The following SEMA5A variants were observed in gnomAD, a reference collection of about 807,000 sequenced individuals.
SEMA5A encodes semaphorin-5A.
SEMA5A carries 55 observed loss-of-function variants against 135.5 expected under a neutral mutation model. The ratio of observed to expected loss-of-function variants is 0.41; its 90% CI spans 0.33 to 0.51. SEMA5A has a LOEUF of 0.51. SEMA5A is among the 20% of genes least tolerant of loss of function. SEMA5A has a pLI of 0.37. For synonymous variants in SEMA5A, 580 were observed against 546.5 expected (o/e 1.06, Z -0.85); for missense variants, 1,290 against 1,419.9 (o/e 0.91, Z 1.47).
At chr5:9,444,000 G>A (rs1281836450) in intron 1 of SEMA5A, among the ~76,000 whole-genome samples, 2 of 152,220 alleles carry the variant, frequency 1.3e-5, no homozygotes, top group African/African-American at 4.8e-5. Flanking sequence ...GGCCAGCACT[G>A]GCTGGGGTCA....
intron 8 of SEMA5A, among the ~76,000 whole-genome samples, chr5:9,205,824 G>C (rs1745983058): frequency 6.6e-6 from 1 of 152,120 alleles, no homozygotes; most frequent in Non-Finnish European, 1.5e-5. Context: ...GATGAGGGTG[G>C]ACCCCTGACT....
chr5:9,108,210 T>C lies in SEMA5A; in HGVS notation c.2003A>G (p.Gln668Arg). Residue 668 changes from glutamine to arginine, a missense_variant, in exon 16 of 23, where the codon CAA becomes CGA. Gln to Arg is a conservative substitution (Grantham distance 43). This residue lies in a region of SEMA5A where 1,029 missense variants were observed against 1,086.6 expected (regional missense o/e 0.95). Coordinates refer to ENST00000382496, the MANE Select transcript of SEMA5A (RefSeq NM_003966.3). ...GWGPWERCTA[Q>R]CGGGIQARRR... The stretch of plus-strand genomic sequence containing the variant: ...GCGAGCTTGAATGCCACCCCCGCAT[T>C]GGGCTGTGCACCGTTCCCAAGGACC... The C allele has an allele frequency of 6.2e-7, 1 of 1,614,166 alleles. No homozygotes were observed. The highest frequency in any genetic ancestry group is 8.5e-7 in the Non-Finnish European group (1 of 1,180,020).
At chr5:9,103,646 A>T (rs1314795229) in intron 16 of SEMA5A, among the ~76,000 whole-genome samples, 1 of 152,134 alleles carries the variant, frequency 6.6e-6, no homozygotes, top group Non-Finnish European at 1.5e-5. Context: ...CCAAATACTA[A>T]GTCTGCTGTT....
At chr5:9,050,076 C>T (rs1010144837) in intron 21 of SEMA5A, among the ~76,000 whole-genome samples, 8 of 152,078 alleles carry the variant, frequency 5.3e-5, no homozygotes, top group African/African-American at 1.9e-4. Context: ...ATAAGAATCA[C>T]CTGCAAGGCT....
In SEMA5A at chr5:9,387,293, C is replaced by G. The variant is rs534739652; in HGVS notation, c.-77-7270G>C. Among the ~76,000 whole-genome samples the G allele has an allele frequency of 1.3e-4, 20 of 152,236 alleles. No homozygotes were observed. The South Asian group carries it at 4.2e-3, about 32-fold the overall frequency. ...AAAACGGGCAGTGTCTTCGGGGTAT[C>G]CTTAATCTGTATTAAACCAGCCATA... On this transcript the variant is annotated intron_variant, in intron 2 of 22. Transcript: ENST00000382496.
chr5:9,275,492 A>T (rs1306122865), intron 5 of SEMA5A, among the ~76,000 whole-genome samples: 1 of 152,228 alleles, frequency 6.6e-6, no homozygotes, highest in Non-Finnish European at 1.5e-5. Flanking sequence ...TGAGGCCAGC[A>T]TCATCCTAAT....
At chr5:9,278,842 C>G (rs1334391247) in intron 5 of SEMA5A, among the ~76,000 whole-genome samples, 1 of 152,202 alleles carries the variant, frequency 6.6e-6, no homozygotes, top group Admixed American at 6.5e-5. Flanking sequence ...GGAACCTCCA[C>G]CTAGATTTCA....
chr5:9,125,941 CA>C (rs1247266729), intron 13 of SEMA5A, among the ~76,000 whole-genome samples: 1 of 152,138 alleles, frequency 6.6e-6, no homozygotes, highest in Non-Finnish European at 1.5e-5. Context: ...TCACTGTGAG[CA>C]AACGTAGTTC....
At chr5:9,334,115 A>T (rs1473922128) in intron 4 of SEMA5A, among the ~76,000 whole-genome samples, 2 of 152,214 alleles carry the variant, frequency 1.3e-5, no homozygotes, top group African/African-American at 4.8e-5. Context: ...ATCAAAGAGT[A>T]CAAAGAATCT....
At chr5:9,324,634 G>A (rs1044894563) in intron 4 of SEMA5A, among the ~76,000 whole-genome samples, 1 of 152,110 alleles carries the variant, frequency 6.6e-6, no homozygotes, top group African/African-American at 2.4e-5. Flanking sequence ...AAAGTTAAAG[G>A]TTACAAAAAG....
At chr5:9,390,221 G>A (rs890096010) in intron 2 of SEMA5A, among the ~76,000 whole-genome samples, 6 of 152,142 alleles carry the variant, frequency 3.9e-5, no homozygotes, top group East Asian at 1.9e-4. Context: ...CCAATTAATG[G>A]TCAAAGGGAT....
At chr5:9,348,656 A>G (rs1320349109) in intron 3 of SEMA5A, among the ~76,000 whole-genome samples, 1 of 152,280 alleles carries the variant, frequency 6.6e-6, no homozygotes, top group Non-Finnish European at 1.5e-5. Flanking sequence ...CCTTAGATTT[A>G]TAACTTTAGA....
chr5:9,054,350 G>GT, intron 18 of SEMA5A, 93 bp from the exon 19 acceptor site: 3 of 1,470,676 alleles, frequency 2.0e-6, no homozygotes. Context: ...ATTCTGTTTA[G>GT]TAAGGGAAAC....
chr5:9,203,771 C>T (rs149495253), intron 8 of SEMA5A, among the ~76,000 whole-genome samples: 41 of 151,872 alleles, frequency 2.7e-4, no homozygotes, highest in African/African-American at 8.7e-4. Context: ...ATTTATAAAC[C>T]GTCCAACATA....
At chr5:9,047,352 T>C (rs1307694964) in intron 21 of SEMA5A, among the ~76,000 whole-genome samples, 5 of 152,222 alleles carry the variant, frequency 3.3e-5, no homozygotes, top group Non-Finnish European at 7.3e-5. Context: ...ATCTTTATGA[T>C]GATTATATAG....
intron 3 of SEMA5A, among the ~76,000 whole-genome samples, chr5:9,353,080 AAAGGAAAGGAAAGG>A (rs1364735515): frequency 0.019 from 941 of 50,520 alleles, 204 homozygotes; most frequent in Non-Finnish European, 0.021. Context: ...AAAGGAAAGG[AAAGGAAAGGAAAGG>A]AAGGAAGGAA....
In SEMA5A at chr5:9,108,260, G is replaced by A. The variant is rs1312088103; in HGVS notation, c.1953C>T (p.Pro651=). Residue 651 remains proline (P), a synonymous_variant, in exon 16 of 23, where the codon CCC becomes CCT. Transcript: ENST00000382496. The part of the protein sequence containing the change: ...ERYCNEHLLC[P]PHMFWTGWGP... Reference sequence around the variant, plus strand: ...CCCAGCCTGTCCAGAACATGTGTGGGGGACATAGCAAATGTTCATTGCAGT... The same window carrying A: ...CCCAGCCTGTCCAGAACATGTGTGGAGGACATAGCAAATGTTCATTGCAGT... 1.9e-6 allele frequency: 3 copies of A among 1,614,148 alleles called. No individual in the cohort carries two copies. The South Asian group carries it at 3.3e-5, about 18-fold the overall frequency.
At chr5:9,524,236 G>C (rs967887391) in intron 1 of SEMA5A, among the ~76,000 whole-genome samples, 3 of 152,172 alleles carry the variant, frequency 2.0e-5, no homozygotes, top group African/African-American at 7.2e-5. Flanking sequence ...GGCCTCCCCA[G>C]CCATGCGGAA....
chr5:9,303,563 GTATAA>G (rs1366399742), intron 5 of SEMA5A, among the ~76,000 whole-genome samples: 20 of 151,940 alleles, frequency 1.3e-4, no homozygotes, highest in Non-Finnish European at 2.4e-4. Context: ...TTTCTAGGAG[GTATAA>G]TATATTATAA....
Sources: allele counts gnomAD v4.1 joint callset (sites outside exome capture counted in the v4.1 genomes callset), GRCh38; gene constraint gnomAD v4.1.1; regional missense constraint gnomAD v4.1.1; transcripts MANE v1.5; gene names NCBI Gene and HGNC (gene_info 2026-07-23, HGNC 2026-07-21).